Variants in RYR2 observed in about 807,000 individuals in gnomAD.
RYR2 encodes cardiac muscle ryanodine receptor-calcium release channel.
RYR2 carries 227 observed loss-of-function variants against 601.1 expected under a neutral mutation model. That is an observed-to-expected ratio of 0.38 (90% CI 0.34 to 0.42). RYR2 has a LOEUF of 0.42. Among genes scored for constraint, RYR2 ranks in the 10% least tolerant of loss-of-function variants. The pLI, the probability that RYR2 is intolerant of heterozygous loss-of-function variation, is 1.00. For synonymous variants in RYR2, 2,223 were observed against 2,175.1 expected (o/e 1.02, Z -0.61); for missense variants, 4,646 against 6,156.5 (o/e 0.75, Z 8.21).
rs796496722 is a variant in RYR2 at position 237,779,127 on chromosome 1, G to A, written c.11880+357G>A. 7.2e-5 allele frequency among the ~76,000 whole-genome samples: 11 copies of A among 152,226 alleles called. 1 individual carries two copies. Among genetic ancestry groups the A allele is most frequent in the African/African-American group, 2.6e-4 (11 of 41,538 alleles). On this transcript the variant is annotated intron_variant, in intron 88 of 104. Transcript: ENST00000366574. ...ATTTTCCTTCCCCTTACAGATAATT[G>A]AAATAGGTTTTATAATCTGTTACAA...
At chr1:237,788,917 C>A (rs191409407) in intron 92 of RYR2, among the ~76,000 whole-genome samples, 4 of 151,984 alleles carry the variant, frequency 2.6e-5, no homozygotes, top group Admixed American at 2.6e-4. Flanking sequence ...ATATATGTGT[C>A]TCCTATCCTT....
chr1:237,239,081 C>T (rs142887846), intron 1 of RYR2, among the ~76,000 whole-genome samples: 1 of 152,082 alleles, frequency 6.6e-6, no homozygotes, highest in Non-Finnish European at 1.5e-5. Flanking sequence ...AGTTATGATG[C>T]AAAAGCTAGG....
chr1:237,359,061 G>A (rs1196257702), intron 4 of RYR2, among the ~76,000 whole-genome samples: 2 of 152,072 alleles, frequency 1.3e-5, no homozygotes, highest in Non-Finnish European at 2.9e-5. Flanking sequence ...GTTAGGGTGA[G>A]GTTATATCCT....
intron 89 of RYR2, among the ~76,000 whole-genome samples, chr1:237,781,937 T>A (rs73103908): frequency 6.6e-6 from 1 of 152,086 alleles, no homozygotes; most frequent in Non-Finnish European, 1.5e-5. Flanking sequence ...TAAAGAATAT[T>A]TTATTTGTTA....
At chr1:237,612,115 C>A (rs936959389) in intron 36 of RYR2, among the ~76,000 whole-genome samples, 1 of 152,036 alleles carries the variant, frequency 6.6e-6, no homozygotes, top group African/African-American at 2.4e-5. Context: ...ATATATGCTA[C>A]AAAATGCAAG....
Position 237,416,753 on chromosome 1 carries a change from C to T in RYR2, c.774-296C>T, listed in dbSNP as rs867843699. Among the ~76,000 whole-genome samples, 1,934 of 85,082 alleles carry T rather than the reference C, an allele frequency of 0.023. 51 individuals are homozygous for T. The highest frequency in any genetic ancestry group is 0.1 in the African/African-American group (1,802 of 17,452). The allele number at this position is 85,082 out of a possible 152,430, so 55.8% of individuals were successfully genotyped here. A position where few individuals can be genotyped will look rare whatever the true frequency, so the allele number is the denominator to read the frequency against. On this transcript the variant is annotated intron_variant, in intron 10 of 104. Coordinates refer to ENST00000366574, the MANE Select transcript of RYR2 (RefSeq NM_001035.3). ...TGGGAGGGAGGGATGGGAAGAAACA[C>T]ACACACACACAGAGAGAGAGAGAGA...
intron 87 of RYR2, among the ~76,000 whole-genome samples, chr1:237,777,377 A>G (rs1197406387): frequency 1.3e-5 from 2 of 152,148 alleles, no homozygotes; most frequent in African/African-American, 4.8e-5. Flanking sequence ...AAAAAGTTCT[A>G]TTTCAACATC....
At position 237,456,593 on chromosome 1, in the gene RYR2, G is replaced by C. The variant is rs763127313; in HGVS notation, c.1477-7G>C. ...GATTGTGATTTTTTTTTTTTTTAAC[G>C]TTCCAGGGAATGATCAACCTCGTGC... On this transcript the variant is annotated splice_region_variant and splice_polypyrimidine_tract_variant and intron_variant, in intron 15 of 104. Coordinates refer to ENST00000366574, the MANE Select transcript of RYR2 (RefSeq NM_001035.3). 1 of 1,447,656 alleles carries C rather than the reference G, an allele frequency of 6.9e-7. No homozygotes were observed. The highest frequency in any genetic ancestry group is 9.2e-7 in the Non-Finnish European group (1 of 1,091,688). 89.7% of individuals were successfully genotyped at this position (1,447,656 alleles called of 1,614,324 possible). A position where few individuals can be genotyped will look rare whatever the true frequency, so the allele number is the denominator to read the frequency against.
rs967199869 is a variant in RYR2, at chr1:237,454,495, C to T, written c.1397C>T (p.Pro466Leu). ...GATCTCATTGGCTACTTCCACCCCC[C>T]AGATGAGCATTTAGAGCATGAAGAC... ...LQDLIGYFHPPDEHLEHEDKQ... is the reference protein window; with the variant it reads ...LQDLIGYFHPLDEHLEHEDKQ... The change falls in exon 15 of 105, where the codon CCA becomes CTA. Residue 466 changes from proline to leucine, a missense_variant. By Grantham distance (98) the Pro-to-Leu change is moderately conservative (BLOSUM62 -3). Transcript: ENST00000366574. The T allele has an allele frequency of 6.2e-6, 10 of 1,613,542 alleles. No individual in the cohort carries two copies. Among genetic ancestry groups the T allele is most frequent in the Admixed American group, 1.7e-5 (1 of 59,932 alleles).
At chr1:237,731,280 A>C (rs1207515633) in intron 77 of RYR2, among the ~76,000 whole-genome samples, 1 of 152,150 alleles carries the variant, frequency 6.6e-6, no homozygotes, top group Non-Finnish European at 1.5e-5. Flanking sequence ...AAAACTCAAC[A>C]AAAAGTTGGA....
intron 62 of RYR2, among the ~76,000 whole-genome samples, chr1:237,683,722 A>G (rs1686101276): frequency 6.6e-6 from 1 of 152,186 alleles, no homozygotes; most frequent in African/African-American, 2.4e-5. Context: ...CTAAGAAGCT[A>G]TTAAAGCTTT....
chr1:237,433,103 G>A (rs2150108753), intron 12 of RYR2, among the ~76,000 whole-genome samples: 1 of 151,950 alleles, frequency 6.6e-6, no homozygotes, highest in African/African-American at 2.4e-5. Flanking sequence ...ACCCAATTTT[G>A]ATTGGTAGAA....
At chr1:237,802,057 C>T (rs549449158) in intron 98 of RYR2, 141 bp downstream of exon 98, 11 of 467,112 alleles carry the variant, frequency 2.4e-5, no homozygotes, top group Admixed American at 9.9e-5. Context: ...GAGAGAGACC[C>T]ACAGAATGAT....
intron 3 of RYR2, among the ~76,000 whole-genome samples, chr1:237,334,559 A>G (rs1697071595): frequency 6.6e-6 from 1 of 152,026 alleles, no homozygotes; most frequent in Non-Finnish European, 1.5e-5. Context: ...ATAGGCCAAG[A>G]CCTGTCTATC....
At chr1:237,363,878 A>C (rs971788119) in intron 4 of RYR2, among the ~76,000 whole-genome samples, 1 of 152,202 alleles carries the variant, frequency 6.6e-6, no homozygotes, top group Non-Finnish European at 1.5e-5. Context: ...TTTTGCATGA[A>C]ACGAGAGCCG....
At chr1:237,475,701 A>G (rs2150339109) in intron 17 of RYR2, among the ~76,000 whole-genome samples, 1 of 152,324 alleles carries the variant, frequency 6.6e-6, no homozygotes, top group Non-Finnish European at 1.5e-5. Context: ...ATAATATAGG[A>G]TGATTAAATC....
chr1:237,153,599 AT>A (rs35946100), intron 1 of RYR2, among the ~76,000 whole-genome samples: 7 of 149,322 alleles, frequency 4.7e-5, no homozygotes, highest in African/African-American at 9.8e-5. Flanking sequence ...TATGTGTAGC[AT>A]TTTTTTTTTG....
chr1:237,419,923 A>G (rs1705389346), intron 11 of RYR2, among the ~76,000 whole-genome samples: 1 of 152,098 alleles, frequency 6.6e-6, no homozygotes, highest in Non-Finnish European at 1.5e-5. Context: ...TTTGCATTAT[A>G]TTTAGCAATT....
chr1:237,748,846 G>A (rs1692299768), intron 80 of RYR2, among the ~76,000 whole-genome samples: 1 of 152,180 alleles, frequency 6.6e-6, no homozygotes, highest in South Asian at 2.1e-4. Flanking sequence ...TGCTTCTGTA[G>A]CCAACAAGTA....
Sources: gnomAD v4.1 joint callset for allele counts (sites outside exome capture counted in the v4.1 genomes callset) on GRCh38, gnomAD v4.1.1 for gene constraint, MANE v1.5 for transcripts, NCBI Gene and HGNC (gene_info 2026-07-23, HGNC 2026-07-21) for gene names.